Variants in NRXN3 observed in about 807,000 individuals in gnomAD.
NRXN3 encodes neurexin 3.
A neutral mutation model predicts 137.6 loss-of-function variants in NRXN3; 32 were observed. The ratio of observed to expected loss-of-function variants is 0.23; its 90% confidence interval spans 0.18 to 0.31. NRXN3 has a LOEUF of 0.31. NRXN3 is among the 10% of genes least tolerant of loss of function. The probability of loss-of-function intolerance (pLI) is 1.00; values close to 1 mark genes in which losing one functional copy is unlikely to be tolerated. For synonymous variants in NRXN3, 798 were observed against 784.5 expected, an observed-to-expected ratio of 1.02 and a Z score of -0.29; for missense variants, 1,574 against 2,062.5, an observed-to-expected ratio of 0.76 and a Z score of 4.59.
chr14:78,910,924 A>G (rs1287123949), intron 10 of NRXN3, among the ~76,000 whole-genome samples: 1 of 152,278 alleles, frequency 6.6e-6, no homozygotes, highest in East Asian at 1.9e-4. Context: ...CCTCCACCCC[A>G]TATCAATGCA....
At chr14:78,593,938 C>T (rs1273884582) in intron 4 of NRXN3, among the ~76,000 whole-genome samples, 1 of 152,152 alleles carries the variant, frequency 6.6e-6, no homozygotes, top group Admixed American at 6.5e-5. Flanking sequence ...GATTCATGTG[C>T]ATGATATGGA....
chr14:78,923,749 T>C (rs1165402010), intron 10 of NRXN3, among the ~76,000 whole-genome samples: 1 of 152,216 alleles, frequency 6.6e-6, no homozygotes, highest in African/African-American at 2.4e-5. Flanking sequence ...TGCTAAGGCT[T>C]TTATAAGCTT....
intron 16 of NRXN3, among the ~76,000 whole-genome samples, chr14:79,639,881 C>A (rs1051443201): frequency 6.6e-5 from 10 of 152,124 alleles, no homozygotes; most frequent in African/African-American, 2.4e-4. Flanking sequence ...TCCCTCCTCC[C>A]CACCCCCACC....
At chr14:79,284,454 G>A (rs1178312013) in intron 15 of NRXN3, among the ~76,000 whole-genome samples, 2 of 143,986 alleles carry the variant, frequency 1.4e-5, no homozygotes, top group Non-Finnish European at 3.0e-5. Context: ...TTTCTCTAAG[G>A]ATTCAAGGTT....
At chr14:79,019,965 A>G (rs1027948527) in intron 15 of NRXN3, among the ~76,000 whole-genome samples, 2 of 152,118 alleles carry the variant, frequency 1.3e-5, no homozygotes, top group African/African-American at 4.8e-5. Context: ...AAAGTTAAAA[A>G]TTTAGGAGAG....
intron 8 of NRXN3, among the ~76,000 whole-genome samples, chr14:78,798,345 C>A (rs1459531196): frequency 1.3e-5 from 2 of 152,152 alleles, no homozygotes. Context: ...GGTCATTAAA[C>A]CTTAAAGTTC....
rs374624769 is a variant in NRXN3, at chr14:79,821,454, A to G, written c.4093+16264A>G. ...TAAAGGCATCCAAATGAAACATTTT[A>G]AAAACACTAAAATAAAGAGACCCCA... On this transcript the variant is annotated intron_variant, in intron 20 of 20. Coordinates refer to ENST00000335750, the MANE Select transcript of NRXN3 (RefSeq NM_001330195.2). Among the ~76,000 whole-genome samples the G allele has an allele frequency of 2.6e-5, 4 of 152,296 alleles. No individual in the cohort carries two copies. In the East Asian group the frequency reaches 5.8e-4, roughly 22 times the overall value.
At chr14:79,491,094 GT>G (rs1235896879) in intron 16 of NRXN3, among the ~76,000 whole-genome samples, 1 of 152,142 alleles carries the variant, frequency 6.6e-6, no homozygotes, top group African/African-American at 2.4e-5. Context: ...GTTTTGTTCT[GT>G]TTTTTCTCTT....
intron 15 of NRXN3, among the ~76,000 whole-genome samples, chr14:79,365,845 C>T (rs1002367366): frequency 6.6e-6 from 1 of 150,508 alleles, no homozygotes; most frequent in African/African-American, 2.4e-5. Flanking sequence ...TTTAAAGGTG[C>T]CTTCAAAATC....
At chr14:78,796,027 C>T (rs1289775732) in intron 8 of NRXN3, among the ~76,000 whole-genome samples, 1 of 152,210 alleles carries the variant, frequency 6.6e-6, no homozygotes, top group Non-Finnish European at 1.5e-5. Flanking sequence ...ACAGTTCAAC[C>T]CCAGAAGAGG....
At chr14:78,763,979 AGGT>A (rs2098700793) in intron 8 of NRXN3, among the ~76,000 whole-genome samples, 1 of 152,196 alleles carries the variant, frequency 6.6e-6, no homozygotes, top group Non-Finnish European at 1.5e-5. Flanking sequence ...CTGTGACACT[AGGT>A]GATGAGCATG....
At chr14:79,085,024 C>T (rs374200207) in intron 15 of NRXN3, among the ~76,000 whole-genome samples, 2 of 152,048 alleles carry the variant, frequency 1.3e-5, no homozygotes, top group Non-Finnish European at 2.9e-5. Flanking sequence ...TGGGATTATG[C>T]CTGGCACCTG....
chr14:79,175,126 G>A (rs2062193202), intron 15 of NRXN3, among the ~76,000 whole-genome samples: 1 of 151,778 alleles, frequency 6.6e-6, no homozygotes, highest in Admixed American at 6.6e-5. Flanking sequence ...GACTACAGGC[G>A]CCCACCACCA....
intron 15 of NRXN3, among the ~76,000 whole-genome samples, chr14:79,304,294 T>C (rs1447423583): frequency 6.6e-6 from 1 of 152,048 alleles, no homozygotes; most frequent in Non-Finnish European, 1.5e-5. Flanking sequence ...ATTTTGCATT[T>C]AAAGCTGTCC....
intron 15 of NRXN3, among the ~76,000 whole-genome samples, chr14:79,176,074 C>T (rs1408165286): frequency 6.6e-6 from 1 of 152,212 alleles, no homozygotes; most frequent in Non-Finnish European, 1.5e-5. Context: ...TCCATCACAG[C>T]AATTACATGT....
At chr14:78,726,751 TCAAA>T (rs887122620) in intron 8 of NRXN3, among the ~76,000 whole-genome samples, 3 of 151,862 alleles carry the variant, frequency 2.0e-5, no homozygotes, top group Non-Finnish European at 4.4e-5. Context: ...ACTTGTGAGC[TCAAA>T]CAGTCTGCCC....
At chr14:78,826,611 A>G (rs2098967531) in intron 10 of NRXN3, among the ~76,000 whole-genome samples, 1 of 152,228 alleles carries the variant, frequency 6.6e-6, no homozygotes, top group South Asian at 2.1e-4. Context: ...TAATAATATT[A>G]TCTGAATTTT....
chr14:79,502,348 G>A (rs1019028981), intron 16 of NRXN3, among the ~76,000 whole-genome samples: 5 of 152,174 alleles, frequency 3.3e-5, no homozygotes, highest in African/African-American at 1.2e-4. Flanking sequence ...CCCTCCGAGT[G>A]AAGTACCTTT....
At chr14:78,774,335 C>G (rs1164123197) in intron 8 of NRXN3, among the ~76,000 whole-genome samples, 1 of 151,844 alleles carries the variant, frequency 6.6e-6, no homozygotes, top group East Asian at 1.9e-4. Flanking sequence ...ATCTAATATC[C>G]CAAGATAAAT....
Sources: allele counts gnomAD v4.1 joint callset (sites outside exome capture counted in the v4.1 genomes callset), GRCh38; gene constraint gnomAD v4.1.1; transcripts MANE v1.5; gene names NCBI Gene and HGNC (gene_info 2026-07-23, HGNC 2026-07-21).